Variants in CALD1 observed in about 807,000 individuals in gnomAD.
The protein encoded by CALD1 is caldesmon.
In CALD1, 33 loss-of-function variants were observed where a neutral mutation model predicts 99.9. The ratio of observed to expected loss-of-function variants is 0.33; its 90% CI spans 0.25 to 0.44. The LOEUF is 0.44. Ranked by LOEUF, CALD1 falls within the 20% of genes least tolerant of loss-of-function variation. The pLI is 1.00. For synonymous variants in CALD1, 310 were observed against 325.0 expected, an observed-to-expected ratio of 0.95 and a Z score of 0.50; for missense variants, 861 against 962.1, an observed-to-expected ratio of 0.89 and a Z score of 1.39.
At chr7:134,936,517 C>T (rs926974622) in intron 6 of CALD1, among the ~76,000 whole-genome samples, 6 of 152,164 alleles carry the variant, frequency 3.9e-5, no homozygotes, top group Non-Finnish European at 8.8e-5. Context: ...TGTGGTGAAA[C>T]TGAATTATTT....
intron 4 of CALD1, among the ~76,000 whole-genome samples, chr7:134,932,297 ATC>A (rs1477163766): frequency 6.6e-6 from 1 of 152,156 alleles, no homozygotes; most frequent in African/African-American, 2.4e-5. Flanking sequence ...TGAGTGTGGA[ATC>A]TCAACACTGT....
At chr7:134,777,351 T>C (rs1796926446), upstream of CALD1, among the ~76,000 whole-genome samples, 2 of 152,250 alleles carry the variant, frequency 1.3e-5, no homozygotes, top group Non-Finnish European at 2.9e-5. Flanking sequence ...ATACCCTATA[T>C]ATGAGATATC....
At chr7:134,789,917 A>G (rs890150184) in intron 1 of CALD1, among the ~76,000 whole-genome samples, 5 of 151,902 alleles carry the variant, frequency 3.3e-5, no homozygotes, top group African/African-American at 1.2e-4. Flanking sequence ...TGCCCTTATC[A>G]ACAAATCTAT....
chr7:134,970,621 A>G lies in CALD1; in HGVS notation c.*2276A>G, dbSNP rs1233698038. 1 of 152,670 alleles carries G rather than the reference A, an allele frequency of 6.6e-6. No homozygotes were observed. The highest frequency in any genetic ancestry group is 1.5e-5 in the Non-Finnish European group (1 of 68,050). 9.5% of individuals were successfully genotyped at this position (152,670 alleles called of 1,614,324 possible). A position where few individuals can be genotyped will look rare whatever the true frequency, so the allele number is the denominator to read the frequency against. On this transcript the variant is annotated 3_prime_UTR_variant, in exon 15 of 15. Transcript: ENST00000361675. ...TATTGTGAAAATGCATCCACAATAA[A>G]TGGAATTCCTTCCTGCAAAATGTCT...
intron 1 of CALD1, among the ~76,000 whole-genome samples, chr7:134,796,209 G>A (rs1797738087): frequency 6.6e-6 from 1 of 152,158 alleles, no homozygotes; most frequent in Non-Finnish European, 1.5e-5. Context: ...CCTGCCTCAT[G>A]TCCACAGCTG....
chr7:134,824,463 TCTCCTTCTC>T (rs952406850), intron 1 of CALD1, among the ~76,000 whole-genome samples: 61 of 151,900 alleles, frequency 4.0e-4, no homozygotes, highest in Non-Finnish European at 6.2e-4. Flanking sequence ...TTCTCCTTCT[TCTCCTTCTC>T]CTTCTTCTTC....
chr7:134,848,441 G>A (rs1344417796), intron 2 of CALD1, among the ~76,000 whole-genome samples: 1 of 152,158 alleles, frequency 6.6e-6, no homozygotes, highest in African/African-American at 2.4e-5. Flanking sequence ...CAGTTGACTA[G>A]TTTAATATAT....
Position 134,933,210 on chromosome 7 carries a change from C to T in CALD1, c.441C>T (p.Thr147=), listed in dbSNP as rs151220643. ...MQNDTAENET[T]EKEEKSESRQ... is the part of the protein sequence containing the mutation. ...ATGACACAGCAGAAAATGAAACTACCGAGAAGGAAGAAAAAAGTGAAAGTC... is the reference window on the plus strand; with the variant it reads ...ATGACACAGCAGAAAATGAAACTACTGAGAAGGAAGAAAAAAGTGAAAGTC... The change falls in exon 5 of 15, where the codon ACC becomes ACT. Residue 147 remains threonine, a synonymous_variant. Transcript: ENST00000361675. The T allele has an allele frequency of 9.9e-6, 16 of 1,609,582 alleles. No homozygotes were observed. The highest frequency in any genetic ancestry group is 3.4e-5 in the Admixed American group (2 of 59,284).
intron 2 of CALD1, among the ~76,000 whole-genome samples, chr7:134,864,204 G>C (rs535476879): frequency 7.9e-5 from 12 of 152,004 alleles, no homozygotes; most frequent in African/African-American, 2.9e-4. Context: ...AAAATTAGCC[G>C]GGTGTGGCGG....
chr7:134,889,674 A>G (rs1802049428), intron 3 of CALD1, among the ~76,000 whole-genome samples: 2 of 152,226 alleles, frequency 1.3e-5, no homozygotes, highest in African/African-American at 4.8e-5. Context: ...TCTCAGTTCT[A>G]GAGCGAGAAA....
chr7:134,862,736 A>T (rs1800616642), intron 2 of CALD1, among the ~76,000 whole-genome samples: 1 of 152,234 alleles, frequency 6.6e-6, no homozygotes, highest in East Asian at 1.9e-4. Context: ...AGTTAATCAT[A>T]ATGCATGAAT....
At chr7:134,885,217 G>A (rs1402964905) in intron 3 of CALD1, among the ~76,000 whole-genome samples, 1 of 152,140 alleles carries the variant, frequency 6.6e-6, no homozygotes, top group East Asian at 1.9e-4. Flanking sequence ...ACAGGTGTGA[G>A]CCCCGACACC....
At chr7:134,890,023 C>T (rs966800940) in intron 3 of CALD1, among the ~76,000 whole-genome samples, 2 of 152,094 alleles carry the variant, frequency 1.3e-5, no homozygotes, top group Non-Finnish European at 2.9e-5. Context: ...ATTCTCCTGC[C>T]GCAGCCTCCC....
intron 1 of CALD1, among the ~76,000 whole-genome samples, chr7:134,814,516 C>A (rs1586009987): frequency 6.6e-6 from 1 of 152,060 alleles, no homozygotes; most frequent in African/African-American, 2.4e-5. Context: ...GATTTCCTTC[C>A]AAGAACACAC....
intron 2 of CALD1, among the ~76,000 whole-genome samples, chr7:134,859,270 G>T (rs780094983): frequency 1.3e-5 from 2 of 152,094 alleles, no homozygotes; most frequent in Non-Finnish European, 2.9e-5. Context: ...TGTTAGTCAG[G>T]CATACATTTA....
intron 3 of CALD1, among the ~76,000 whole-genome samples, chr7:134,919,412 T>C (rs1804450231): frequency 6.6e-6 from 1 of 152,228 alleles, no homozygotes; most frequent in Admixed American, 6.5e-5. Flanking sequence ...ATGTACTCTG[T>C]TCTGCAGCAT....
chr7:134,834,312 A>G (rs540399125), intron 1 of CALD1, among the ~76,000 whole-genome samples: 1 of 152,378 alleles, frequency 6.6e-6, no homozygotes, highest in South Asian at 2.1e-4. Context: ...TGAGATAATT[A>G]TATGAAAACT....
At chr7:134,833,913 A>G (rs1033473280) in intron 1 of CALD1, among the ~76,000 whole-genome samples, 1 of 152,204 alleles carries the variant, frequency 6.6e-6, no homozygotes. Flanking sequence ...CTTTTCCCCC[A>G]TATGAGGAAT....
At chr7:134,941,540 A>T (rs556627821) in intron 7 of CALD1, among the ~76,000 whole-genome samples, 22 of 152,340 alleles carry the variant, frequency 1.4e-4, no homozygotes, top group African/African-American at 5.0e-4. Flanking sequence ...AGATTAGTGT[A>T]TTAGAAAACA....
Sources: gnomAD v4.1 joint callset for allele counts (sites outside exome capture counted in the v4.1 genomes callset) on GRCh38, gnomAD v4.1.1 for gene constraint, MANE v1.5 for transcripts, NCBI Gene and HGNC (gene_info 2026-07-23, HGNC 2026-07-21) for gene names.